The following PTPRN2 variants were observed in gnomAD, a reference collection of about 807,000 sequenced individuals.
PTPRN2 encodes receptor-type tyrosine-protein phosphatase N2.
Under a neutral mutation model 118.8 loss-of-function variants are expected in PTPRN2, and 74 were observed. The observed-to-expected ratio is 0.62, with a 90% CI of 0.52 to 0.76. The LOEUF is 0.76. Ranked by LOEUF, PTPRN2 falls within the 30% of genes least tolerant of loss-of-function variation. The pLI is 0.00. For synonymous variants in PTPRN2, 641 were observed against 608.0 expected (o/e 1.05, Z -0.80); for missense variants, 1,481 against 1,394.4 (o/e 1.06, Z -0.99).
rs1802227456 is a variant in PTPRN2, at chr7:157,609,811, GC to G, written c.2345-5737del. On this transcript the variant is annotated intron_variant, in intron 15 of 22. Coordinates refer to ENST00000389418, the MANE Select transcript of PTPRN2 (RefSeq NM_002847.5). This position sits in a 1 kb window ranked among gnomAD's most constrained non-coding sequence, Gnocchi z 4.9. ...CAAGCTGGCAAAGCGTGTTCTTGCT[GC>G]CCCGTGGTGGCAGAACATATGGAGC... Among the ~76,000 whole-genome samples, 1 of 152,240 alleles carries G rather than the reference GC, an allele frequency of 6.6e-6. No individual in the cohort carries two copies. Among genetic ancestry groups the G allele is most frequent in the African/African-American group, 2.4e-5 (1 of 41,452 alleles).
chr7:157,912,611 C>CT (rs1209090227), intron 11 of PTPRN2, among the ~76,000 whole-genome samples: 1 of 152,284 alleles, frequency 6.6e-6, no homozygotes, highest in East Asian at 1.9e-4. Flanking sequence ...AGATACAACT[C>CT]TGTTTTTTTC....
rs573030542 is a variant in PTPRN2, at chr7:158,544,184, A to G, written c.112+43374T>C. Among the ~76,000 whole-genome samples the G allele has an allele frequency of 1.3e-5, 2 of 152,222 alleles. No individual in the cohort carries two copies. Among genetic ancestry groups the G allele is most frequent in the African/African-American group, 2.4e-5 (1 of 41,520 alleles). On this transcript the variant is annotated intron_variant, in intron 1 of 22. Coordinates refer to ENST00000389418, the MANE Select transcript of PTPRN2 (RefSeq NM_002847.5). The surrounding 1 kb of genome is among the most constrained non-coding windows in gnomAD (Gnocchi z 4.2). ...TGCCCGCATGATCTGCCTCTCCCCA[A>G]AACAGACTATCATTACCCGGTGTGA...
chr7:157,646,242 C>A (rs1805062963), intron 14 of PTPRN2, among the ~76,000 whole-genome samples: 5 of 152,188 alleles, frequency 3.3e-5, no homozygotes. Context: ...GTGGCTGGGT[C>A]ACAGGGTGGT....
rs1807978762 is a variant in PTPRN2 at position 157,836,932 on chromosome 7, T to TGTCC, written c.1788+61740_1788+61741insGGAC. On this transcript the variant is annotated intron_variant, in intron 12 of 22. Transcript: ENST00000389418. ...CACCCACCCTGCACTCACCACCACC[T>TGTCC]ATCCACTCACCACCACCTGTCCACT... Among the ~76,000 whole-genome samples the TGTCC allele has an allele frequency of 6.8e-5, 10 of 146,962 alleles. No homozygotes were observed. The South Asian group carries it at 2.1e-3, about 30-fold the overall frequency.
intron 1 of PTPRN2, among the ~76,000 whole-genome samples, chr7:158,510,407 C>G (rs1347745078): frequency 1.3e-5 from 2 of 151,368 alleles, no homozygotes; most frequent in Non-Finnish European, 2.9e-5. Flanking sequence ...AATTCGCACC[C>G]CACAAAAACC....
rs1021931348 is a variant in PTPRN2 at position 158,546,604 on chromosome 7, C to A, written c.112+40954G>T. 3.3e-5 allele frequency among the ~76,000 whole-genome samples: 5 copies of A among 152,158 alleles called. No individual in the cohort carries two copies. The highest frequency in any genetic ancestry group is 1.2e-4 in the African/African-American group (5 of 41,448). On this transcript the variant is annotated intron_variant, in intron 1 of 22. Transcript: ENST00000389418. The surrounding 1 kb of genome is among the most constrained non-coding windows in gnomAD (Gnocchi z 5.0). ...CGCCTGTTGCCCTCCCAGGCCACACCTTGACGTGGGAGGCCACGGGACAGA... is the reference window on the plus strand; with the variant it reads ...CGCCTGTTGCCCTCCCAGGCCACACATTGACGTGGGAGGCCACGGGACAGA...
intron 12 of PTPRN2, among the ~76,000 whole-genome samples, chr7:157,689,161 T>G (rs1194587280): frequency 6.6e-6 from 1 of 152,180 alleles, no homozygotes; most frequent in Non-Finnish European, 1.5e-5. Context: ...GAGGGCACTT[T>G]CCTCTGTGTC....
At chr7:158,177,935 C>T (rs1462595145) in intron 5 of PTPRN2, among the ~76,000 whole-genome samples, 1 of 152,194 alleles carries the variant, frequency 6.6e-6, no homozygotes, top group African/African-American at 2.4e-5. Flanking sequence ...AAGAAACTGT[C>T]AAGACGTTTT....
intron 11 of PTPRN2, among the ~76,000 whole-genome samples, chr7:157,970,635 G>GA (rs762890920): frequency 1.4e-5 from 1 of 71,998 alleles, no homozygotes; most frequent in Non-Finnish European, 2.6e-5. Flanking sequence ...GCTCAGAGCG[G>GA]ACCCCCCCCC....
At chr7:158,058,123 A>G (rs1251290863) in intron 11 of PTPRN2, among the ~76,000 whole-genome samples, 2 of 152,298 alleles carry the variant, frequency 1.3e-5, no homozygotes, top group African/African-American at 2.4e-5. Context: ...GAATCACTAC[A>G]CTCCATCTGC....
At chr7:158,213,389 G>T (rs912484998) in intron 3 of PTPRN2, among the ~76,000 whole-genome samples, 2 of 151,794 alleles carry the variant, frequency 1.3e-5, no homozygotes, top group Non-Finnish European at 2.9e-5. Flanking sequence ...TGTTATAGAC[G>T]GCAAATTAAA....
At chr7:158,341,992 G>A (rs1332216143) in intron 2 of PTPRN2, among the ~76,000 whole-genome samples, 8 of 141,410 alleles carry the variant, frequency 5.7e-5, no homozygotes, top group African/African-American at 2.2e-4. Context: ...CTCACCATAA[G>A]AGGTGACACC....
At chr7:158,247,953 C>A (rs1796368243) in intron 3 of PTPRN2, among the ~76,000 whole-genome samples, 1 of 152,178 alleles carries the variant, frequency 6.6e-6, no homozygotes, top group Non-Finnish European at 1.5e-5. Context: ...GCACAAGACC[C>A]CAGCCTGGAG....
intron 6 of PTPRN2, 48 bp downstream of exon 6, chr7:158,166,883 G>A (rs1264377574): frequency 1.4e-6 from 2 of 1,419,332 alleles, no homozygotes; most frequent in Admixed American, 3.0e-5. Context: ...GGAGGGGCTG[G>A]ACAGAGGACA....
intron 2 of PTPRN2, among the ~76,000 whole-genome samples, chr7:158,447,735 G>A (rs573529303): frequency 2.0e-5 from 3 of 152,280 alleles, no homozygotes; most frequent in Non-Finnish European, 4.4e-5. Flanking sequence ...CAAGCGGGCA[G>A]TGAAGACGAA....
intron 2 of PTPRN2, among the ~76,000 whole-genome samples, chr7:158,398,776 G>A (rs1812720379): frequency 6.6e-6 from 1 of 152,126 alleles, no homozygotes; most frequent in Admixed American, 6.6e-5. Flanking sequence ...GATTTAGGAT[G>A]TATCTATTTT....
At chr7:158,164,772 G>A (rs556989070) in intron 6 of PTPRN2, among the ~76,000 whole-genome samples, 6 of 152,278 alleles carry the variant, frequency 3.9e-5, no homozygotes, top group Admixed American at 2.0e-4. Flanking sequence ...ACGACCCAAA[G>A]TGACCCCACT....
At chr7:158,528,463 G>A (rs1047703101) in intron 1 of PTPRN2, among the ~76,000 whole-genome samples, 3 of 152,112 alleles carry the variant, frequency 2.0e-5, no homozygotes, top group Admixed American at 6.6e-5. Flanking sequence ...TCTCAGACCT[G>A]TGAATGCCTA....
At chr7:158,298,994 G>C (rs1554445233) in intron 3 of PTPRN2, among the ~76,000 whole-genome samples, 1 of 152,168 alleles carries the variant, frequency 6.6e-6, no homozygotes, top group South Asian at 2.1e-4. Context: ...AACCGCACAG[G>C]AAGGAGGGTG....
Sources: gnomAD v4.1 joint callset for allele counts (sites outside exome capture counted in the v4.1 genomes callset) on GRCh38, gnomAD v4.1.1 for gene constraint, Gnocchi (gnomAD v3.1) non-coding constraint, MANE v1.5 for transcripts, NCBI Gene and HGNC (gene_info 2026-07-23, HGNC 2026-07-21) for gene names.